Variants in R3HCC1L observed in about 807,000 individuals in gnomAD.
R3HCC1L encodes the protein R3H domain and coiled-coil containing 1 like.
R3HCC1L carries 51 observed loss-of-function variants against 59.9 expected under a neutral mutation model. The ratio of observed to expected loss-of-function variants is 0.85; its 90% CI spans 0.68 to 1.07. The LOEUF (loss-of-function observed/expected upper bound fraction) is 1.07, where lower values mean the gene tolerates loss of function less well. R3HCC1L is among the 50% of genes least tolerant of loss of function. R3HCC1L has a pLI of 0.00. For synonymous variants in R3HCC1L, 322 were observed against 315.2 expected (o/e 1.02, Z -0.23); for missense variants, 965 against 933.0 (o/e 1.03, Z -0.45).
intron 4 of R3HCC1L, among the ~76,000 whole-genome samples, chr10:98,191,919 G>A (rs1186258152): frequency 6.6e-6 from 1 of 152,118 alleles, no homozygotes; most frequent in African/African-American, 2.4e-5. Context: ...CTGCCTCGCG[G>A]GTTCAAGCAA....
chr10:98,211,457 A>T, intron 5 of R3HCC1L: 1 of 1,315,654 alleles, frequency 7.6e-7, no homozygotes, highest in Non-Finnish European at 1.0e-6. Context: ...AAATCAGGTT[A>T]AGAAATAATA....
Position 98,148,153 on chromosome 10 carries a change from A to G in R3HCC1L, c.-267-7940A>G, listed in dbSNP as rs373390997. On this transcript the variant is annotated intron_variant, in intron 1 of 9. Transcript: ENST00000298999. ...TTGGTTAAATTGATTCTTTGTAGCT[A>G]TTGCAAATGGGATTGCTTCCTTGAA... is the stretch of plus-strand genomic sequence containing the variant. 3.3e-5 allele frequency among the ~76,000 whole-genome samples: 5 copies of G among 151,944 alleles called. No individual in the cohort carries two copies. The East Asian group carries it at 7.7e-4, about 23-fold the overall frequency.
Position 98,209,469 on chromosome 10 carries a change from C to G in R3HCC1L, c.1355C>G (p.Ser452Ter). 1 of 1,613,668 alleles carries G rather than the reference C, an allele frequency of 6.2e-7. No individual in the cohort carries two copies. The highest frequency in any genetic ancestry group is 8.5e-7 in the Non-Finnish European group (1 of 1,179,976). ...ACSDIYGESI[S>*]SHFTESTGKL... ...TCAGATATTTATGGTGAGAGTATTT[C>G]ATCTCATTTTACAGAGTCAACAGGA... Residue 452 changes from serine to a stop codon, truncating the protein, a stop_gained, in exon 5 of 10, where the codon TCA becomes TGA. Transcript: ENST00000298999. LOFTEE classifies it high-confidence loss of function.
At chr10:98,170,959 G>T (rs1848455179) in intron 4 of R3HCC1L, among the ~76,000 whole-genome samples, 2 of 152,202 alleles carry the variant, frequency 1.3e-5, no homozygotes, top group Admixed American at 6.5e-5. Flanking sequence ...GTAAGATAGT[G>T]AATAGCTTTC....
chr10:98,231,440 T>G, intron 5 of R3HCC1L, 72 bp from the exon 6 acceptor site: 1 of 1,355,494 alleles, frequency 7.4e-7, no homozygotes, highest in Non-Finnish European at 1.0e-6. Context: ...GAGGATTGTT[T>G]ATATATAGGA....
intron 4 of R3HCC1L, among the ~76,000 whole-genome samples, chr10:98,176,813 C>T (rs1849071021): frequency 6.6e-6 from 1 of 151,998 alleles, no homozygotes; most frequent in Non-Finnish European, 1.5e-5. Context: ...GGTTCTTCAT[C>T]AAGTATAATA....
At chr10:98,230,419 G>C (rs1032135329) in intron 5 of R3HCC1L, among the ~76,000 whole-genome samples, 1 of 152,054 alleles carries the variant, frequency 6.6e-6, no homozygotes, top group Non-Finnish European at 1.5e-5. Context: ...TGTGGGATCG[G>C]TGGTGATATC....
chr10:98,238,764 C>T (rs963346733), intron 9 of R3HCC1L, among the ~76,000 whole-genome samples: 18 of 152,128 alleles, frequency 1.2e-4, no homozygotes, highest in African/African-American at 4.3e-4. Context: ...TTACATAAAA[C>T]ATTTTTTAAA....
chr10:98,160,253 A>G (rs759728486), intron 2 of R3HCC1L, among the ~76,000 whole-genome samples: 2 of 152,250 alleles, frequency 1.3e-5, no homozygotes, highest in Non-Finnish European at 2.9e-5. Flanking sequence ...AAGGGCAGGT[A>G]GTCTAAATCT....
intron 4 of R3HCC1L, among the ~76,000 whole-genome samples, chr10:98,174,067 G>T (rs1183436763): frequency 1.3e-5 from 2 of 152,154 alleles, no homozygotes; most frequent in African/African-American, 2.4e-5. Flanking sequence ...TGCTATACTT[G>T]TAGTATATTC....
Position 98,208,103 on chromosome 10 carries a change from T to G in R3HCC1L, c.-12T>G. 1 of 1,589,624 alleles carries G rather than the reference T, an allele frequency of 6.3e-7. No homozygotes were observed. ...ATTAAATCATTCTTCTCTTGCAGAT[T>G]GTGGTGGTGCCATGCAGCAAGAATC... On this transcript the variant is annotated splice_region_variant and 5_prime_UTR_variant, in exon 5 of 10. In the 5' UTR this introduces an upstream ATG that the reference lacks. Coordinates refer to ENST00000298999, the MANE Select transcript of R3HCC1L (RefSeq NM_001351015.2).
At chr10:98,199,468 T>C (rs1272103301) in intron 4 of R3HCC1L, among the ~76,000 whole-genome samples, 1 of 152,002 alleles carries the variant, frequency 6.6e-6, no homozygotes, top group Non-Finnish European at 1.5e-5. Flanking sequence ...ACAAGAATAC[T>C]GCCTGTTCTT....
intron 4 of R3HCC1L, among the ~76,000 whole-genome samples, chr10:98,177,290 C>T (rs1202716706): frequency 1.3e-5 from 2 of 152,090 alleles, no homozygotes; most frequent in African/African-American, 4.8e-5. Context: ...GTTTGGTTTT[C>T]TGTCCTTGGA....
intron 3 of R3HCC1L, 58 bp from the exon 4 acceptor site, chr10:98,163,235 G>A: frequency 2.4e-6 from 1 of 410,154 alleles, no homozygotes; most frequent in Non-Finnish European, 4.4e-6. Flanking sequence ...GCCTAGACAG[G>A]TGTCAAAGAA....
intron 4 of R3HCC1L, among the ~76,000 whole-genome samples, chr10:98,172,730 G>C (rs767163592): frequency 6.6e-6 from 1 of 152,208 alleles, no homozygotes; most frequent in East Asian, 1.9e-4. Context: ...GCACAGCACT[G>C]GGGTTTGGCG....
rs1590820015 is a variant in R3HCC1L at position 98,231,369 on chromosome 10, G to A, written c.1786-143G>A. On this transcript the variant is annotated intron_variant, in intron 5 of 9. Coordinates refer to ENST00000298999, the MANE Select transcript of R3HCC1L (RefSeq NM_001351015.2). ...CACCTGATCATTATTGTATCTGTGAGTAGAATTAATACAGAGACTATGCCA... is the reference window on the plus strand; with the variant it reads ...CACCTGATCATTATTGTATCTGTGAATAGAATTAATACAGAGACTATGCCA... 1.9e-5 allele frequency: 14 copies of A among 724,596 alleles called. No homozygotes were observed. The East Asian group carries it at 3.3e-4, about 17-fold the overall frequency. The allele number at this position is 724,596 out of a possible 1,614,324, so 44.9% of individuals were successfully genotyped here.
At chr10:98,177,141 A>G (rs555306995) in intron 4 of R3HCC1L, among the ~76,000 whole-genome samples, 1 of 152,074 alleles carries the variant, frequency 6.6e-6, no homozygotes, top group South Asian at 2.1e-4. Context: ...TTAACTCATC[A>G]TTTACATTAG....
chr10:98,139,983 A>G (rs1844986564), intron 1 of R3HCC1L, among the ~76,000 whole-genome samples: 1 of 151,732 alleles, frequency 6.6e-6, no homozygotes, highest in African/African-American at 2.4e-5. Context: ...ACTGAACATG[A>G]GGATACGGAT....
chr10:98,135,804 A>G (rs1412750516), intron 1 of R3HCC1L, among the ~76,000 whole-genome samples: 1 of 152,232 alleles, frequency 6.6e-6, no homozygotes, highest in Non-Finnish European at 1.5e-5. Flanking sequence ...ACACAGGTAC[A>G]AGCATAAAGC....
Sources: allele counts gnomAD v4.1 joint callset (sites outside exome capture counted in the v4.1 genomes callset), GRCh38; gene constraint gnomAD v4.1.1; transcripts MANE v1.5; gene names NCBI Gene and HGNC (gene_info 2026-07-23, HGNC 2026-07-21).